PGRMC2: variants seen among roughly 807,000 people sequenced by gnomAD.
The protein encoded by PGRMC2 is progesterone receptor membrane component 2.
PGRMC2 carries 9 observed loss-of-function variants against 19.3 expected under a neutral mutation model. That is an observed-to-expected ratio of 0.47 (90% CI 0.28 to 0.81). The LOEUF (loss-of-function observed/expected upper bound fraction) is 0.81, where lower values mean the gene tolerates loss of function less well. PGRMC2 is among the 40% of genes least tolerant of loss of function. PGRMC2 has a pLI of 0.11. For missense variants in PGRMC2, 289 were observed against 297.3 expected (o/e 0.97, Z 0.21); for synonymous variants, 157 against 124.6 (o/e 1.26, Z -1.73).
chr4:128,271,429 A>G lies in PGRMC2; in HGVS notation c.575-16T>C, dbSNP rs967388741. The G allele has an allele frequency of 4.4e-6, 6 of 1,374,542 alleles. No individual in the cohort carries two copies. The Admixed American group carries it at 8.5e-5, about 19-fold the overall frequency. The allele number at this position is 1,374,542 out of a possible 1,614,324, so 85.1% of individuals were successfully genotyped here. On this transcript the variant is annotated splice_polypyrimidine_tract_variant and intron_variant, in intron 2 of 2. Transcript: ENST00000296425. ...TCATATTTTTCTGAAAGATACATCA[A>G]AAGAAAATCAGTGGTGATCAAATTT...
At chr4:128,274,408 G>T (rs1236015962) in intron 1 of PGRMC2, among the ~76,000 whole-genome samples, 1 of 151,208 alleles carries the variant, frequency 6.6e-6, no homozygotes, top group Non-Finnish European at 1.5e-5. Flanking sequence ...CTACTCAGGA[G>T]TCTGAGGCAG....
chr4:128,281,386 A>C (rs574105862), intron 1 of PGRMC2, among the ~76,000 whole-genome samples: 1 of 152,336 alleles, frequency 6.6e-6, no homozygotes, highest in South Asian at 2.1e-4. Flanking sequence ...TAAAATTCTT[A>C]TATTGTTCAG....
At chr4:128,271,896 T>C (rs1019005937) in intron 2 of PGRMC2, among the ~76,000 whole-genome samples, 1 of 152,218 alleles carries the variant, frequency 6.6e-6, no homozygotes, top group African/African-American at 2.4e-5. Flanking sequence ...TAAAATCATT[T>C]TGGAATAAAT....
At position 128,271,124 on chromosome 4, in the gene PGRMC2, G is replaced by C. The variant is rs1760722336; in HGVS notation, c.*192C>G. ...GCCCCACTAGACATTACAAACAACTGCAACAAATGAGTTTGGCAGCATAAA... is the reference window on the plus strand; with the variant it reads ...GCCCCACTAGACATTACAAACAACTCCAACAAATGAGTTTGGCAGCATAAA... On this transcript the variant is annotated 3_prime_UTR_variant, in exon 3 of 3. Transcript: ENST00000296425. 1 of 413,414 alleles carries C rather than the reference G, an allele frequency of 2.4e-6. No homozygotes were observed. The highest frequency in any genetic ancestry group is 2.1e-5 in the African/African-American group (1 of 48,466). The allele number at this position is 413,414 out of a possible 1,614,324, so 25.6% of individuals were successfully genotyped here. A position where few individuals can be genotyped will look rare whatever the true frequency, so the allele number is the denominator to read the frequency against.
At chr4:128,275,682 A>G (rs1422467546) in intron 1 of PGRMC2, among the ~76,000 whole-genome samples, 1 of 152,226 alleles carries the variant, frequency 6.6e-6, no homozygotes, top group East Asian at 1.9e-4. Context: ...AGGTCTTTTT[A>G]GTAATAATTT....
At chr4:128,272,598 A>G (rs1420650946) in intron 1 of PGRMC2, 81 bp from the exon 2 acceptor site, 3 of 920,332 alleles carry the variant, frequency 3.3e-6, no homozygotes, top group Non-Finnish European at 2.9e-6. Flanking sequence ...AAAAAAAAAA[A>G]AAAAACACAA....
At chr4:128,281,441 A>G (rs1760909217) in intron 1 of PGRMC2, among the ~76,000 whole-genome samples, 1 of 152,232 alleles carries the variant, frequency 6.6e-6, no homozygotes, top group African/African-American at 2.4e-5. Context: ...GGAAATCACT[A>G]AAAGGATAGA....
At chr4:128,275,390 TC>T (rs1760794722) in intron 1 of PGRMC2, among the ~76,000 whole-genome samples, 1 of 152,074 alleles carries the variant, frequency 6.6e-6, no homozygotes, top group African/African-American at 2.4e-5. Flanking sequence ...TCTACCAACT[TC>T]CCTAAGAAAG....
At chr4:128,272,679 T>C (rs1760751838) in intron 1 of PGRMC2, 162 bp from the exon 2 acceptor site, 1 of 412,144 alleles carries the variant, frequency 2.4e-6, no homozygotes, top group Non-Finnish European at 4.1e-6. Context: ...AGATACTAGA[T>C]GGAATAAGAA....
chr4:128,277,856 T>G (rs570570508), intron 1 of PGRMC2, among the ~76,000 whole-genome samples: 1 of 152,306 alleles, frequency 6.6e-6, no homozygotes, highest in Non-Finnish European at 1.5e-5. Context: ...CCACTCACAA[T>G]CAACAAGTCT....
Position 128,271,173 on chromosome 4 carries a change from C to T in PGRMC2, c.*143G>A, listed in dbSNP as rs772680543. 155 of 501,552 alleles carry T rather than the reference C, an allele frequency of 3.1e-4. No homozygotes were observed. Among genetic ancestry groups the T allele is most frequent in the African/African-American group, 2.2e-3 (109 of 50,374 alleles). 31.1% of individuals were successfully genotyped at this position (501,552 alleles called of 1,614,324 possible). A position where few individuals can be genotyped will look rare whatever the true frequency, so the allele number is the denominator to read the frequency against. Reference sequence around the variant, plus strand: ...AATAATGTCTAGTTATTCAAATCTTCATAGTGAGATTAATTTATCTTGTAC... The same window carrying T: ...AATAATGTCTAGTTATTCAAATCTTTATAGTGAGATTAATTTATCTTGTAC... On this transcript the variant is annotated 3_prime_UTR_variant, in exon 3 of 3. Transcript: ENST00000296425.
In PGRMC2 at chr4:128,287,515, G is replaced by A. The variant is rs898973493; in HGVS notation, c.276C>T (p.Ala92=). 6.8e-6 allele frequency: 11 copies of A among 1,607,252 alleles called. No homozygotes were observed. The highest frequency in any genetic ancestry group is 1.3e-5 in the African/African-American group (1 of 74,784). ...GCTTCTTCATGCGAGGCAGAGAGGT[G>A]GCGGGGCTCTCCTCGCCCGCCCCGG... ...AGAGAGEESP[A]TSLPRMKKRD... is the part of the protein sequence containing the mutation. Residue 92 remains alanine, a synonymous_variant, in exon 1 of 3, where the codon GCC becomes GCT. Transcript: ENST00000296425.
intron 1 of PGRMC2, among the ~76,000 whole-genome samples, chr4:128,273,614 T>A (rs1278804227): frequency 2.0e-5 from 3 of 152,134 alleles, no homozygotes; most frequent in Non-Finnish European, 2.9e-5. Flanking sequence ...TATGTTCTGA[T>A]AAGTAAACAA....
chr4:128,287,459 T>C lies in PGRMC2; in HGVS notation c.332A>G (p.Tyr111Cys), dbSNP rs1761002338. The change falls in exon 1 of 3, where the codon TAC (tyrosine) becomes TGC (cysteine). Residue 111 changes from tyrosine (Y) to cysteine (C), a missense_variant. Transcript: ENST00000296425. ...GATGCGCGGGTTGCGGGAGCCGTCGTACTGGCGCAGCTGCTCCAAGCTGAA... is the reference window on the plus strand; with the variant it reads ...GATGCGCGGGTTGCGGGAGCCGTCGCACTGGCGCAGCTGCTCCAAGCTGAA... ...RDFSLEQLRQ[Y>C]DGSRNPRILL... is the part of the protein sequence containing the mutation. 2 of 1,613,514 alleles carry C rather than the reference T, an allele frequency of 1.2e-6. No individual in the cohort carries two copies. The highest frequency in any genetic ancestry group is 1.7e-6 in the Non-Finnish European group (2 of 1,179,666).
At chr4:128,278,459 T>C (rs1259450999) in intron 1 of PGRMC2, among the ~76,000 whole-genome samples, 1 of 151,802 alleles carries the variant, frequency 6.6e-6, no homozygotes, top group Non-Finnish European at 1.5e-5. Context: ...GTAATCCCGG[T>C]TACTCAAGAG....
chr4:128,274,761 AAAAAGTGAAACATAC>A lies in PGRMC2; in HGVS notation c.419-2259_419-2245del, dbSNP rs1248245989. 2.6e-5 allele frequency among the ~76,000 whole-genome samples: 4 copies of A among 152,208 alleles called. No individual in the cohort carries two copies. The East Asian group carries it at 7.7e-4, about 29-fold the overall frequency. ...CCAATGCTTATAAACTTAAAAAAGCAAAAAGTGAAACATACAAAAGGAAAAATAAAACTAATAAAG... is the reference window on the plus strand; with the variant it reads ...CCAATGCTTATAAACTTAAAAAAGCAAAAAGGAAAAATAAAACTAATAAAG... On this transcript the variant is annotated intron_variant, in intron 1 of 2. Coordinates refer to ENST00000296425, the MANE Select transcript of PGRMC2 (RefSeq NM_006320.6).
rs535656199 is a variant in PGRMC2 at position 128,271,314 on chromosome 4, G to A, written c.*2C>T. On this transcript the variant is annotated 3_prime_UTR_variant, in exon 3 of 3. Coordinates refer to ENST00000296425, the MANE Select transcript of PGRMC2 (RefSeq NM_006320.6). The stretch of plus-strand genomic sequence containing the variant: ...GCCCCTGACTTTGGTTGTTTACAAA[G>A]TTCAATCCTGTTTATTGTGATCCTT... 1.9e-6 allele frequency: 3 copies of A among 1,548,388 alleles called. No individual in the cohort carries two copies. The South Asian group carries it at 3.4e-5, about 17-fold the overall frequency.
chr4:128,272,610 A>G (rs1157246494), intron 1 of PGRMC2, 93 bp from the exon 2 acceptor site: 5 of 786,572 alleles, frequency 6.4e-6, no homozygotes, highest in Non-Finnish European at 8.9e-6. Context: ...AAAACACAAC[A>G]AAGAAAAAAA....
intron 1 of PGRMC2, among the ~76,000 whole-genome samples, chr4:128,275,201 T>C (rs529750933): frequency 3.3e-5 from 5 of 152,364 alleles, no homozygotes; most frequent in East Asian, 3.8e-4. Context: ...CATTCTATTA[T>C]AGTATTTATC....
Sources: allele counts gnomAD v4.1 joint callset (sites outside exome capture counted in the v4.1 genomes callset), GRCh38; gene constraint gnomAD v4.1.1; transcripts MANE v1.5; gene names NCBI Gene and HGNC (gene_info 2026-07-23, HGNC 2026-07-21).